The following ADAM28 variants were observed in gnomAD, a reference collection of about 807,000 sequenced individuals.
The protein encoded by ADAM28 is ADAM metallopeptidase domain 28, also known as disintegrin and metalloproteinase domain-containing protein 28.
ADAM28 carries 105 observed loss-of-function variants against 101.2 expected under a neutral mutation model. That is an observed-to-expected ratio of 1.04 (90% CI 0.89 to 1.22). The LOEUF (loss-of-function observed/expected upper bound fraction) is 1.22. ADAM28 is among the 50% of genes most tolerant of loss of function. The pLI, the probability that ADAM28 is intolerant of heterozygous loss-of-function variation, is 0.00. For missense variants in ADAM28, 1,028 were observed against 945.4 expected (o/e 1.09, Z -1.15); for synonymous variants, 322 against 310.6 (o/e 1.04, Z -0.39).
At chr8:24,309,230 A>G (rs1057211815) in intron 2 of ADAM28, among the ~76,000 whole-genome samples, 2 of 152,058 alleles carry the variant, frequency 1.3e-5, no homozygotes, top group Non-Finnish European at 2.9e-5. Flanking sequence ...AATACCTGGG[A>G]CTGTGGTTTC....
intron 19 of ADAM28, among the ~76,000 whole-genome samples, chr8:24,350,844 C>T (rs1421328825): frequency 1.4e-5 from 2 of 143,306 alleles, no homozygotes; most frequent in African/African-American, 5.2e-5. Context: ...GTCTCACGAA[C>T]GTGATTCTGG....
chr8:24,343,726 C>A, intron 18 of ADAM28, 142 bp downstream of exon 18: 5 of 709,608 alleles, frequency 7.0e-6, no homozygotes, highest in Non-Finnish European at 1.1e-5. Flanking sequence ...ATATTTATCC[C>A]CCAAATCTCC....
At chr8:24,346,133 C>T (rs1420914215) in intron 18 of ADAM28, among the ~76,000 whole-genome samples, 1 of 151,974 alleles carries the variant, frequency 6.6e-6, no homozygotes, top group African/African-American at 2.4e-5. Context: ...GGTCCTAAAT[C>T]TAAACTTGAA....
intron 6 of ADAM28, among the ~76,000 whole-genome samples, chr8:24,316,683 C>T (rs943900927): frequency 6.6e-6 from 1 of 151,906 alleles, no homozygotes. Flanking sequence ...GGCAAGGATG[C>T]CTACTCTTAC....
rs1453846127 is a variant in ADAM28 at position 24,324,006 on chromosome 8, A to G, written c.890+3A>G. 23 of 1,611,044 alleles carry G rather than the reference A, an allele frequency of 1.4e-5. No homozygotes were observed. The highest frequency in any genetic ancestry group is 1.9e-5 in the Non-Finnish European group (22 of 1,178,242). The stretch of plus-strand genomic sequence containing the variant: ...CATGATATTGCTCAGTTAATCACGT[A>G]TGTACAGATTTTCTCCCATTGCACA... On this transcript the variant is annotated splice_donor_region_variant and intron_variant, in intron 9 of 22. Transcript: ENST00000265769.
At position 24,341,687 on chromosome 8, in the gene ADAM28, C is replaced by T. The variant is rs1311926098; in HGVS notation, c.1760C>T (p.Thr587Ile). 6.2e-7 allele frequency: 1 copy of T among 1,613,728 alleles called. No individual in the cohort carries two copies. Among genetic ancestry groups the T allele is most frequent in the Non-Finnish European group, 8.5e-7 (1 of 1,179,840 alleles). Residue 587 changes from threonine to isoleucine, a missense_variant, in exon 16 of 23, where the codon ACA becomes ATA. Physicochemically the swap from Thr to Ile is moderately conservative, Grantham distance 89. Transcript: ENST00000265769. The stretch of plus-strand genomic sequence containing the variant: ...ATAGTGACTTTCCTGACATGTAAAA[C>T]ATTTGATCCTGAAGACACAAGTCAA... ...GRIVTFLTCKTFDPEDTSQEI... is the reference protein window; with the variant it reads ...GRIVTFLTCKIFDPEDTSQEI...
intron 6 of ADAM28, among the ~76,000 whole-genome samples, chr8:24,314,507 C>A (rs1470230679): frequency 6.6e-6 from 1 of 152,002 alleles, no homozygotes; most frequent in Non-Finnish European, 1.5e-5. Context: ...AGATTTATTT[C>A]AAATCCAATC....
At chr8:24,325,745 G>A (rs991010338) in intron 9 of ADAM28, among the ~76,000 whole-genome samples, 2 of 151,014 alleles carry the variant, frequency 1.3e-5, no homozygotes, top group African/African-American at 2.4e-5. Flanking sequence ...TCTATTTTTA[G>A]TATTGTTTTA....
intron 2 of ADAM28, among the ~76,000 whole-genome samples, chr8:24,308,920 C>T (rs1810060826): frequency 1.3e-5 from 2 of 152,140 alleles, no homozygotes; most frequent in African/African-American, 4.8e-5. Flanking sequence ...CTTAGGTGCA[C>T]CACAGCAGAA....
chr8:24,329,838 T>C (rs1195664393), intron 10 of ADAM28, 147 bp from the exon 11 acceptor site: 1 of 809,866 alleles, frequency 1.2e-6, no homozygotes, highest in Non-Finnish European at 1.9e-6. Context: ...GTACTCTCTC[T>C]CTCTTGCTCT....
intron 12 of ADAM28, among the ~76,000 whole-genome samples, chr8:24,332,067 C>T (rs1430785043): frequency 6.6e-6 from 1 of 152,076 alleles, no homozygotes; most frequent in East Asian, 1.9e-4. Flanking sequence ...GAGTTTTAAC[C>T]CTAAAATATT....
intron 2 of ADAM28, among the ~76,000 whole-genome samples, chr8:24,303,215 C>G (rs1809073496): frequency 6.6e-6 from 1 of 151,850 alleles, no homozygotes. Context: ...AAATTTTTGC[C>G]TGTGCTTATG....
Position 24,323,975 on chromosome 8 carries a change from A to G in ADAM28, c.862A>G (p.Lys288Glu). 6.2e-7 allele frequency: 1 copy of G among 1,611,980 alleles called. No homozygotes were observed. Among genetic ancestry groups the G allele is most frequent in the South Asian group, 1.1e-5 (1 of 91,028 alleles). Reference sequence around the variant, plus strand: ...GAGGGGGAGTGTTCTCTCAAGAAGAAAGCGTCATGATATTGCTCAGTTAAT... The same window carrying G: ...GAGGGGGAGTGTTCTCTCAAGAAGAGAGCGTCATGATATTGCTCAGTTAAT... ...KWRGSVLSRR[K>E]RHDIAQLITA... The change falls in exon 9 of 23, where the codon AAG becomes GAG. Residue 288 changes from lysine (K) to glutamate (E), a missense_variant. Lys to Glu is a moderately conservative substitution (Grantham distance 56). Transcript: ENST00000265769.
chr8:24,329,869 TTGTGTG>T (rs377486317), intron 10 of ADAM28, 110 bp from the exon 11 acceptor site: 24 of 508,230 alleles, frequency 4.7e-5, no homozygotes, highest in African/African-American at 3.5e-4. Flanking sequence ...GTGTGTGTGT[TTGTGTG>T]TGTGTGTGTG....
chr8:24,335,899 G>T (rs1813974301), intron 14 of ADAM28: 1 of 1,168,608 alleles, frequency 8.6e-7, no homozygotes. Flanking sequence ...CTCAGCATCA[G>T]TATATCCCAT....
intron 18 of ADAM28, among the ~76,000 whole-genome samples, chr8:24,345,835 G>A (rs1815339608): frequency 6.6e-6 from 1 of 152,056 alleles, no homozygotes; most frequent in Non-Finnish European, 1.5e-5. Flanking sequence ...CATGAAATTT[G>A]TATTTTAGCA....
chr8:24,294,803 T>C (rs1807746389), intron 1 of ADAM28, among the ~76,000 whole-genome samples: 1 of 152,204 alleles, frequency 6.6e-6, no homozygotes, highest in African/African-American at 2.4e-5. Context: ...ATACCAAACA[T>C]TTAAAAATTT....
intron 4 of ADAM28, chr8:24,310,468 C>T (rs1247749934): frequency 2.5e-6 from 1 of 406,190 alleles, no homozygotes; most frequent in East Asian, 4.6e-5. Flanking sequence ...TTTAAGGACC[C>T]CTGTAGGAGG....
rs1023062813 is a variant in ADAM28 at position 24,355,494 on chromosome 8, T to G, written c.*1090T>G. On this transcript the variant is annotated 3_prime_UTR_variant, in exon 23 of 23. Transcript: ENST00000265769. ...TCCTTGCTAGTGGTCGACTTGGAGATGATTTTATAATCCTCCCCCTCCCTT... is the reference window on the plus strand; with the variant it reads ...TCCTTGCTAGTGGTCGACTTGGAGAGGATTTTATAATCCTCCCCCTCCCTT... The G allele has an allele frequency of 6.6e-6, 1 of 151,832 alleles. No individual in the cohort carries two copies. Among genetic ancestry groups the G allele is most frequent in the African/African-American group, 2.4e-5 (1 of 41,398 alleles). The allele number at this position is 151,832 out of a possible 1,614,324, so 9.4% of individuals were successfully genotyped here.
Sources: gnomAD v4.1 joint callset for allele counts (sites outside exome capture counted in the v4.1 genomes callset) on GRCh38, gnomAD v4.1.1 for gene constraint, MANE v1.5 for transcripts, NCBI Gene and HGNC (gene_info 2026-07-23, HGNC 2026-07-21) for gene names.